Variants in SETD3 observed in about 807,000 individuals in gnomAD.
The protein encoded by SETD3 is SET domain containing 3, actin N3(tau)-histidine methyltransferase.
In SETD3, 19 loss-of-function variants were observed where a neutral mutation model predicts 63.0. That is an observed-to-expected ratio of 0.30 (90% CI 0.21 to 0.44). SETD3 has a LOEUF of 0.44. Ranked by LOEUF, SETD3 falls within the 20% of genes least tolerant of loss-of-function variation. The pLI, the probability that SETD3 is intolerant of heterozygous loss-of-function variation, is 1.00. For missense variants in SETD3, 587 were observed against 728.5 expected (o/e 0.81, Z 2.24); for synonymous variants, 286 against 264.1 (o/e 1.08, Z -0.80).
intron 1 of SETD3, among the ~76,000 whole-genome samples, chr14:99,475,632 A>T (rs1305558509): frequency 6.6e-6 from 1 of 152,258 alleles, no homozygotes; most frequent in Non-Finnish European, 1.5e-5. Flanking sequence ...AAAAGTGAGC[A>T]AAACCACTTA....
chr14:99,467,288 GA>G (rs1486287634), intron 1 of SETD3, among the ~76,000 whole-genome samples: 1 of 152,156 alleles, frequency 6.6e-6, no homozygotes, highest in African/African-American at 2.4e-5. Context: ...GCAATACAAG[GA>G]ATTTTTTTTC....
At chr14:99,427,884 T>A (rs1307467677) in intron 6 of SETD3, among the ~76,000 whole-genome samples, 1 of 152,128 alleles carries the variant, frequency 6.6e-6, no homozygotes, top group Non-Finnish European at 1.5e-5. Context: ...GATCTGGCAA[T>A]GACTCACAGA....
intron 11 of SETD3, among the ~76,000 whole-genome samples, chr14:99,402,687 C>CTA (rs1444056074): frequency 2.0e-5 from 3 of 152,330 alleles, no homozygotes; most frequent in African/African-American, 7.2e-5. Flanking sequence ...AACAATCCTC[C>CTA]TACCTCAGCC....
rs115789443 is a variant in SETD3 at position 99,445,117 on chromosome 14, G to A, written c.675+13162C>T. Among the ~76,000 whole-genome samples, 906 of 152,256 alleles carry A rather than the reference G, an allele frequency of 6.0e-3. 5 individuals are homozygous for A. The highest frequency in any genetic ancestry group is 0.02 in the African/African-American group (837 of 41,538). ...GCAGAAAGTTATCTAATCCTCCTTG[G>A]CAAATATCCCAAATGAATACTGGCA... On this transcript the variant is annotated intron_variant, in intron 6 of 12. Transcript: ENST00000331768.
chr14:99,401,462 CA>C (rs1280740297), intron 11 of SETD3, among the ~76,000 whole-genome samples: 1 of 152,160 alleles, frequency 6.6e-6, no homozygotes, highest in Non-Finnish European at 1.5e-5. Flanking sequence ...CTGCGGCTGC[CA>C]GCAAACCAAA....
intron 11 of SETD3, among the ~76,000 whole-genome samples, chr14:99,401,952 T>C (rs1012034122): frequency 6.6e-6 from 1 of 151,456 alleles, no homozygotes; most frequent in South Asian, 2.1e-4. Flanking sequence ...TAAGACAATG[T>C]AGCATGTGGC....
chr14:99,459,929 A>T (rs1410058168), intron 4 of SETD3, among the ~76,000 whole-genome samples: 3 of 152,212 alleles, frequency 2.0e-5, no homozygotes, highest in African/African-American at 7.2e-5. Flanking sequence ...TGTGAGAAAT[A>T]AATGTCTGTT....
At chr14:99,455,937 T>C (rs978808154) in intron 6 of SETD3, among the ~76,000 whole-genome samples, 1 of 152,222 alleles carries the variant, frequency 6.6e-6, no homozygotes, top group Non-Finnish European at 1.5e-5. Flanking sequence ...GGCGGATCAC[T>C]TGACTCCAGG....
chr14:99,478,935 T>G (rs1223915394), intron 1 of SETD3, among the ~76,000 whole-genome samples: 1 of 152,220 alleles, frequency 6.6e-6, no homozygotes, highest in Non-Finnish European at 1.5e-5. Flanking sequence ...AATTATCATT[T>G]AAAATGTGGC....
intron 9 of SETD3, among the ~76,000 whole-genome samples, chr14:99,406,122 T>A (rs770245264): frequency 6.6e-6 from 1 of 152,218 alleles, no homozygotes; most frequent in African/African-American, 2.4e-5. Flanking sequence ...TCCCTTGCTT[T>A]TGCCCCTTAA....
intron 6 of SETD3, among the ~76,000 whole-genome samples, chr14:99,417,700 C>T (rs1022379414): frequency 3.9e-5 from 6 of 152,272 alleles, no homozygotes; most frequent in East Asian, 1.9e-4. Flanking sequence ...ACATCTAGTA[C>T]GTGAAACAGC....
chr14:99,403,451 ACACACTCTCTCTCT>A (rs1359895180), intron 11 of SETD3, among the ~76,000 whole-genome samples: 7 of 107,136 alleles, frequency 6.5e-5, no homozygotes, highest in African/African-American at 2.9e-4. Flanking sequence ...ACACACACAC[ACACACTCTCTCTCT>A]CTCTCTCTCT....
chr14:99,447,469 A>ATC, intron 6 of SETD3, among the ~76,000 whole-genome samples: 1 of 152,382 alleles, frequency 6.6e-6, no homozygotes, highest in Middle Eastern at 3.4e-3. Flanking sequence ...TGAAAATGAG[A>ATC]TATGTGTTTA....
chr14:99,401,633 A>G (rs998200593), intron 11 of SETD3, among the ~76,000 whole-genome samples: 1 of 152,196 alleles, frequency 6.6e-6, no homozygotes, highest in Non-Finnish European at 1.5e-5. Context: ...AAGTTTATTA[A>G]CTTTTATTTG....
chr14:99,458,105 A>C (rs1894861484), intron 6 of SETD3, among the ~76,000 whole-genome samples, 174 bp downstream of exon 6: 1 of 152,208 alleles, frequency 6.6e-6, no homozygotes, highest in African/African-American at 2.4e-5. Flanking sequence ...ATGTAACCGC[A>C]TTTCATTGAT....
rs375511694 is a variant in SETD3 at position 99,405,324 on chromosome 14, G to A, written c.972C>T (p.His324=). 8.1e-6 allele frequency: 13 copies of A among 1,613,874 alleles called. No individual in the cohort carries two copies. Among genetic ancestry groups the A allele is most frequent in the Non-Finnish European group, 1.1e-5 (13 of 1,179,984 alleles). The change falls in exon 10 of 13, where the codon CAC becomes CAT. Residue 324 remains histidine, a synonymous_variant. Coordinates refer to ENST00000331768, the MANE Select transcript of SETD3 (RefSeq NM_032233.3). ...GTRSNAEFVI[H]SGFFFDNNSH... is the part of the protein sequence containing the mutation. The stretch of plus-strand genomic sequence containing the variant: ...AGTTATTGTCAAAGAAAAAACCACT[G>A]TGGATCACAAACTCTGCGTTGGATC...
At chr14:99,477,363 T>C (rs1379246343) in intron 1 of SETD3, among the ~76,000 whole-genome samples, 3 of 152,134 alleles carry the variant, frequency 2.0e-5, no homozygotes, top group African/African-American at 7.2e-5. Flanking sequence ...GGAAACGGGG[T>C]CAACACAGCT....
At chr14:99,420,751 G>A (rs1428266078) in intron 6 of SETD3, among the ~76,000 whole-genome samples, 3 of 151,898 alleles carry the variant, frequency 2.0e-5, no homozygotes, top group Non-Finnish European at 4.4e-5. Flanking sequence ...AGAATCCAAA[G>A]AGAAACAACA....
In SETD3 at chr14:99,399,063, C is replaced by T; in HGVS notation, c.1401G>A (p.Leu467=). Residue 467 remains leucine (L), a synonymous_variant, in exon 13 of 13, where the codon TTG becomes TTA. Coordinates refer to ENST00000331768, the MANE Select transcript of SETD3 (RefSeq NM_032233.3). ...CCAAAATCTCTTTCTCACCTAAGCG[C>T]AATTTGATGGCCATTTTTGCACGAA... ...LSVRAKMAIK[L]RLGEKEILEK... is the part of the protein sequence containing the mutation. The T allele has an allele frequency of 1.2e-6, 2 of 1,614,108 alleles. No homozygotes were observed. The highest frequency in any genetic ancestry group is 1.7e-6 in the Non-Finnish European group (2 of 1,180,036).
Sources: gnomAD v4.1 joint callset for allele counts (sites outside exome capture counted in the v4.1 genomes callset) on GRCh38, gnomAD v4.1.1 for gene constraint, MANE v1.5 for transcripts, NCBI Gene and HGNC (gene_info 2026-07-23, HGNC 2026-07-21) for gene names.